DIPK1A: variants seen among roughly 807,000 people sequenced by gnomAD.
DIPK1A encodes the protein divergent protein kinase domain 1A.
In DIPK1A, 27 loss-of-function variants were observed where a neutral mutation model predicts 40.8. The observed-to-expected ratio is 0.66, with a 90% CI of 0.49 to 0.91. The LOEUF (loss-of-function observed/expected upper bound fraction) is 0.91, where lower values mean the gene tolerates loss of function less well. DIPK1A is among the 40% of genes least tolerant of loss of function. DIPK1A has a pLI of 0.00. For synonymous variants in DIPK1A, 166 were observed against 171.3 expected, an observed-to-expected ratio of 0.97 and a Z score of 0.24; for missense variants, 412 against 505.7, an observed-to-expected ratio of 0.81 and a Z score of 1.78.
At chr1:92,837,306 CACTA>C (rs1387234787), downstream of DIPK1A, 1 of 787,132 alleles carries the variant, frequency 1.3e-6, no homozygotes, top group Non-Finnish European at 2.3e-6. Flanking sequence ...GATGATATCC[CACTA>C]ACTGAGCAGT....
intron 1 of DIPK1A, among the ~76,000 whole-genome samples, chr1:92,946,394 A>G (rs561707230): frequency 6.6e-6 from 1 of 152,324 alleles, no homozygotes; most frequent in East Asian, 1.9e-4. Flanking sequence ...GGGAAGTAGA[A>G]GAGAGGAAAA....
At chr1:92,859,409 C>T (rs141963413) in intron 2 of DIPK1A, among the ~76,000 whole-genome samples, 4 of 152,144 alleles carry the variant, frequency 2.6e-5, no homozygotes, top group Admixed American at 6.5e-5. Flanking sequence ...CTCTCTCCCC[C>T]CTGCCCGCAA....
At chr1:92,923,968 A>C (rs1557486917) in intron 1 of DIPK1A, among the ~76,000 whole-genome samples, 1 of 152,244 alleles carries the variant, frequency 6.6e-6, no homozygotes, top group Admixed American at 6.5e-5. Flanking sequence ...TGGAAAGTCT[A>C]TCTCTAATTG....
chr1:92,865,699 G>A (rs1247340281), intron 2 of DIPK1A, among the ~76,000 whole-genome samples: 1 of 152,094 alleles, frequency 6.6e-6, no homozygotes, highest in East Asian at 1.9e-4. Flanking sequence ...AATTCAAATT[G>A]CAAACTAATG....
chr1:92,835,015 C>G, intron 4 of DIPK1A: 1 of 1,520,314 alleles, frequency 6.6e-7, no homozygotes, highest in African/African-American at 1.4e-5. Context: ...AGTTGTGCTT[C>G]AGGAGAGTGC....
chr1:92,876,459 T>G, intron 1 of DIPK1A, 29 bp from the exon 2 acceptor site: 1 of 1,609,934 alleles, frequency 6.2e-7, no homozygotes, highest in Non-Finnish European at 8.5e-7. Context: ...ATAACGATCA[T>G]TCATTCAGCA....
chr1:92,858,019 C>A (rs917424610), intron 2 of DIPK1A, among the ~76,000 whole-genome samples: 2 of 152,274 alleles, frequency 1.3e-5, no homozygotes, highest in Non-Finnish European at 2.9e-5. Context: ...ATCCTTATTT[C>A]CTGAGGACTT....
chr1:92,921,431 C>CA (rs1190156394), intron 1 of DIPK1A, among the ~76,000 whole-genome samples: 1 of 151,934 alleles, frequency 6.6e-6, no homozygotes, highest in East Asian at 1.9e-4. Context: ...CAATGTGTTG[C>CA]AAAAAAATTG....
chr1:92,866,577 G>C (rs1024387353), intron 2 of DIPK1A, among the ~76,000 whole-genome samples: 1 of 152,138 alleles, frequency 6.6e-6, no homozygotes, highest in Non-Finnish European at 1.5e-5. Flanking sequence ...TGCCAACTAG[G>C]TTGGCTAGGC....
rs138499390 is a variant in DIPK1A, at chr1:92,842,299, T to C, written c.*1084A>G. The C allele has an allele frequency of 3.7e-4, 364 of 986,278 alleles. 2 individuals are homozygous for C. The African/African-American group carries it at 5.9e-3, about 16-fold the overall frequency. 61.1% of individuals were successfully genotyped at this position (986,278 alleles called of 1,614,324 possible). ...GCTGTCCAGTGATGGTCACATAGAT[T>C]TTTAACATGTTCCACTTTAGGTAGG... On this transcript the variant is annotated 3_prime_UTR_variant, in exon 5 of 5. Coordinates refer to ENST00000370310, the MANE Select transcript of DIPK1A (RefSeq NM_001006605.5).
chr1:92,937,092 C>T (rs1571140870), intron 1 of DIPK1A, among the ~76,000 whole-genome samples: 1 of 152,118 alleles, frequency 6.6e-6, no homozygotes, highest in Non-Finnish European at 1.5e-5. Flanking sequence ...CACTTAAGTC[C>T]TTTGTCTCTT....
intron 1 of DIPK1A, among the ~76,000 whole-genome samples, chr1:92,941,820 G>A (rs1651160806): frequency 6.6e-6 from 1 of 152,044 alleles, no homozygotes; most frequent in Non-Finnish European, 1.5e-5. Context: ...TACTCGAAAA[G>A]TGCACTCAAA....
Position 92,843,594 on chromosome 1 carries a change from A to G in DIPK1A, c.1076T>C (p.Ile359Thr), listed in dbSNP as rs1283201305. 1.9e-6 allele frequency: 3 copies of G among 1,551,854 alleles called. No homozygotes were observed. The highest frequency in any genetic ancestry group is 2.6e-6 in the Non-Finnish European group (3 of 1,147,054). The change falls in exon 5 of 5, where the codon ATA (isoleucine) becomes ACA (threonine). Residue 359 changes from isoleucine (I) to threonine (T), a missense_variant. Physicochemically the swap from Ile to Thr is moderately conservative, Grantham distance 89. Transcript: ENST00000370310. ...QSTMKCTSEV[I>T]QPNLAKACQL... ...ACAAGCTTTTGCCAAGTTTGGTTGTATCACTTCTGAAGTACACTTCATTGT... is the reference window on the plus strand; with the variant it reads ...ACAAGCTTTTGCCAAGTTTGGTTGTGTCACTTCTGAAGTACACTTCATTGT...
intron 1 of DIPK1A, among the ~76,000 whole-genome samples, chr1:92,893,729 C>T (rs1165327601): frequency 6.6e-6 from 1 of 151,862 alleles, no homozygotes; most frequent in Admixed American, 6.6e-5. Context: ...AGAGTCAAGA[C>T]CCATCAGTGT....
chr1:92,850,235 G>C (rs920382614), intron 3 of DIPK1A, among the ~76,000 whole-genome samples: 1 of 152,138 alleles, frequency 6.6e-6, no homozygotes, highest in Non-Finnish European at 1.5e-5. Context: ...CTCCCAAAGT[G>C]TTGGGATTAC....
intron 4 of DIPK1A, chr1:92,833,728 A>AATT: frequency 7.8e-7 from 1 of 1,283,550 alleles, no homozygotes; most frequent in Non-Finnish European, 1.1e-6. Flanking sequence ...AGCAAAGCAC[A>AATT]TGGTGTGTGT....
At chr1:92,936,133 C>T (rs960987557) in intron 1 of DIPK1A, among the ~76,000 whole-genome samples, 4 of 151,952 alleles carry the variant, frequency 2.6e-5, no homozygotes, top group African/African-American at 9.7e-5. Context: ...AAAAACCTCA[C>T]AGGAAACATC....
At chr1:92,884,034 G>A (rs1256925046) in intron 1 of DIPK1A, among the ~76,000 whole-genome samples, 2 of 152,168 alleles carry the variant, frequency 1.3e-5, no homozygotes, top group Non-Finnish European at 2.9e-5. Context: ...AGTATTTGTA[G>A]TCACATGTAT....
intron 1 of DIPK1A, among the ~76,000 whole-genome samples, chr1:92,888,269 T>C (rs1394204236): frequency 1.3e-5 from 2 of 152,132 alleles, no homozygotes; most frequent in African/African-American, 4.8e-5. Context: ...CTTTCACATG[T>C]GAGTAAGATC....
Sources: allele counts gnomAD v4.1 joint callset (sites outside exome capture counted in the v4.1 genomes callset), GRCh38; gene constraint gnomAD v4.1.1; transcripts MANE v1.5; gene names NCBI Gene and HGNC (gene_info 2026-07-23, HGNC 2026-07-21).